TAF1C: variants seen among roughly 807,000 people sequenced by gnomAD.
TAF1C encodes the protein TATA-box binding protein associated factor, RNA polymerase I subunit C, also known as TATA box-binding protein-associated factor RNA polymerase I subunit C.
In TAF1C, 79 loss-of-function variants were observed where a neutral mutation model predicts 70.5. The ratio of observed to expected loss-of-function variants is 1.12; its 90% CI spans 0.93 to 1.35. The LOEUF (loss-of-function observed/expected upper bound fraction) is 1.35, where lower values mean the gene tolerates loss of function less well. TAF1C is among the 40% of genes most tolerant of loss of function. The probability of loss-of-function intolerance (pLI) is 0.00; values close to 1 mark genes in which losing one functional copy is unlikely to be tolerated. For missense variants in TAF1C, 1,412 were observed against 1,127.8 expected (o/e 1.25, Z -3.61); for synonymous variants, 614 against 491.1 (o/e 1.25, Z -3.31).
rs1334504103 is a variant in TAF1C at position 84,187,053 on chromosome 16, G to C, written c.-225C>G. Reference sequence around the variant, plus strand: ...GCAGCTACCCACGGTCTTCCGGTTTGGACCGGAAGTGCCTCCTGCGGAGGC... The same window carrying C: ...GCAGCTACCCACGGTCTTCCGGTTTCGACCGGAAGTGCCTCCTGCGGAGGC... On this transcript the variant is annotated 5_prime_UTR_variant, in exon 1 of 15. Transcript: ENST00000566732. The C allele has an allele frequency of 6.6e-6, 1 of 152,192 alleles. No individual in the cohort carries two copies. Among genetic ancestry groups the C allele is most frequent in the Non-Finnish European group, 1.5e-5 (1 of 68,034 alleles). 9.4% of individuals were successfully genotyped at this position (152,192 alleles called of 1,614,324 possible). A position where few individuals can be genotyped will look rare whatever the true frequency, so the allele number is the denominator to read the frequency against.
In TAF1C at chr16:84,182,123, C is replaced by T; in HGVS notation, c.722-65G>A. ...ACTGCAAGCCCCCCAAATTCCTGCC[C>T]TTCTCTGGACCATGCCAAGAGCACC... On this transcript the variant is annotated intron_variant, in intron 7 of 14. Coordinates refer to ENST00000566732, the MANE Select transcript of TAF1C (RefSeq NM_001243156.2). The surrounding 1 kb of genome is among the most constrained non-coding windows in gnomAD (Gnocchi z 5.0). The T allele has an allele frequency of 6.3e-7, 1 of 1,589,630 alleles. No individual in the cohort carries two copies. Among genetic ancestry groups the T allele is most frequent in the East Asian group, 2.2e-5 (1 of 44,594 alleles).
At position 84,179,674 on chromosome 16, in the gene TAF1C, G is replaced by A; in HGVS notation, c.1799C>T (p.Ala600Val). Reference protein sequence around the residue: ...DTQPDCHAPTASWTSQDTAGC... With the variant: ...DTQPDCHAPTVSWTSQDTAGC... ...GGCAGTGTCCTGGGAGGTCCAGGAA[G>A]CTGTGGGGGCATGGCAGTCAGGTTG... Residue 600 changes from alanine to valine, a missense_variant, in exon 15 of 15, where the codon GCT (alanine) becomes GTT (valine). Ala to Val is a moderately conservative substitution (Grantham distance 64). Transcript: ENST00000566732. 2 of 1,612,674 alleles carry A rather than the reference G, an allele frequency of 1.2e-6. No homozygotes were observed. The highest frequency in any genetic ancestry group is 1.7e-6 in the Non-Finnish European group (2 of 1,179,930).
At chr16:84,185,091 A>G in intron 1 of TAF1C, 31 bp from the exon 2 acceptor site, 4 of 1,389,680 alleles carry the variant, frequency 2.9e-6, no homozygotes, top group Non-Finnish European at 3.9e-6. Flanking sequence ...TACGGGAAGC[A>G]TATGTTCTTT....
At chr16:84,183,185 C>T (rs369128747) in intron 5 of TAF1C, 36 bp from the exon 6 acceptor site, 28 of 1,613,860 alleles carry the variant, frequency 1.7e-5, no homozygotes, top group Non-Finnish European at 2.2e-5. Context: ...CACACACCCT[C>T]GAGTTCACCC....
rs750416411 is a variant in TAF1C, at chr16:84,180,182, G to C, written c.1471C>G (p.Leu491Val). 6.5e-7 allele frequency: 1 copy of C among 1,546,142 alleles called. No homozygotes were observed. The highest frequency in any genetic ancestry group is 8.7e-7 in the Non-Finnish European group (1 of 1,154,956). Residue 491 changes from leucine to valine, a missense_variant, in exon 13 of 15, where the codon CTG becomes GTG. By Grantham distance (32) the Leu-to-Val change is conservative. Transcript: ENST00000566732. ...CCTGGACCCTCACCTGCCAGGTGCA[G>C]CAGCTGCAGCTGCCCACCCTGGCCT... ...LGGQGGQLQL[L>V]HLAGEGASVP...
Position 84,183,132 on chromosome 16 carries a change from C to T in TAF1C, c.426G>A (p.Lys142=), listed in dbSNP as rs1312582040. Residue 142 remains lysine, a synonymous_variant, in exon 6 of 15, where the codon AAG becomes AAA. Transcript: ENST00000566732. ...LEGAGSRTKK[K]TVVSVKKLLQ... Reference sequence around the variant, plus strand: ...GCAGCTTCTTCACACTGACCACTGTCTTCTTCTTAGTGCGGCTCTGCATGG... The same window carrying T: ...GCAGCTTCTTCACACTGACCACTGTTTTCTTCTTAGTGCGGCTCTGCATGG... 1.2e-6 allele frequency: 2 copies of T among 1,614,036 alleles called. No homozygotes were observed. Among genetic ancestry groups the T allele is most frequent in the Non-Finnish European group, 1.7e-6 (2 of 1,179,950 alleles).
In TAF1C at chr16:84,181,159, AAAGCAAC is replaced by A. The variant is rs775053619; in HGVS notation, c.1185_1191del (p.Leu396PhefsTer44). ...CACGAAGCCTCTGCCCCCAAACGAA[AAAGCAAC>A]AGACCACAGCCCGGCGGGCCCTGGA... On this transcript the variant is annotated frameshift_variant, in exon 12 of 15. Coordinates refer to ENST00000566732, the MANE Select transcript of TAF1C (RefSeq NM_001243156.2). LOFTEE classifies it high-confidence loss of function. The A allele has an allele frequency of 6.2e-7, 1 of 1,611,266 alleles. No individual in the cohort carries two copies. Among genetic ancestry groups the A allele is most frequent in the Non-Finnish European group, 8.5e-7 (1 of 1,177,718 alleles).
Position 84,178,863 on chromosome 16 carries a change from C to T in TAF1C, c.*78G>A, listed in dbSNP as rs956130349. 8.2e-6 allele frequency: 12 copies of T among 1,459,892 alleles called. No homozygotes were observed. Among genetic ancestry groups the T allele is most frequent in the Non-Finnish European group, 1.0e-5 (11 of 1,094,374 alleles). The allele number at this position is 1,459,892 out of a possible 1,614,324, so 90.4% of individuals were successfully genotyped here. A position where few individuals can be genotyped will look rare whatever the true frequency, so the allele number is the denominator to read the frequency against. ...GTGGCGAGCTCTGCTTCTCAAGTTT[C>T]AACTGTGGAAGGCACATCTGGTCCC... is the stretch of plus-strand genomic sequence containing the variant. On this transcript the variant is annotated 3_prime_UTR_variant, in exon 15 of 15. Coordinates refer to ENST00000566732, the MANE Select transcript of TAF1C (RefSeq NM_001243156.2).
rs536304597 is a variant in TAF1C at position 84,180,653 on chromosome 16, AC to A, written c.1309-310del. The A allele has an allele frequency of 2.3e-4, 158 of 677,232 alleles. 2 individuals are homozygous for A. The South Asian group carries it at 3.5e-3, about 15-fold the overall frequency. 42.0% of individuals were successfully genotyped at this position (677,232 alleles called of 1,614,324 possible). On this transcript the variant is annotated intron_variant, in intron 12 of 14. Coordinates refer to ENST00000566732, the MANE Select transcript of TAF1C (RefSeq NM_001243156.2). ...TCTCGCAGCCACCCCCACTCTCCTG[AC>A]CCGGGAGCCTGTGCTCGAGGCACGC... is the stretch of plus-strand genomic sequence containing the variant.
Position 84,181,612 on chromosome 16 carries a change from G to GCAGA in TAF1C, c.1004_1007dup (p.Trp338ProfsTer5). ...GATACCCATCCTCAGGGCTCCACAG[G>GCAGA]CAGACGGCTCCCGAGCGGCTGCAGA... On this transcript the variant is annotated frameshift_variant, in exon 10 of 15. Transcript: ENST00000566732. LOFTEE classifies it high-confidence loss of function. The GCAGA allele has an allele frequency of 3.1e-6, 5 of 1,613,918 alleles. No homozygotes were observed. Among genetic ancestry groups the GCAGA allele is most frequent in the Non-Finnish European group, 4.2e-6 (5 of 1,179,980 alleles).
rs975717298 is a variant in TAF1C at position 84,178,808 on chromosome 16, T to C, written c.*133A>G. On this transcript the variant is annotated 3_prime_UTR_variant, in exon 15 of 15. Transcript: ENST00000566732. The stretch of plus-strand genomic sequence containing the variant: ...TCCCTTCAACTTGGCTCCAAATTGC[T>C]TGGCTCATCATCACAGTGGCCTCCA... The C allele has an allele frequency of 5.1e-6, 5 of 982,350 alleles. No homozygotes were observed. Among genetic ancestry groups the C allele is most frequent in the Non-Finnish European group, 7.4e-6 (5 of 679,238 alleles). The allele number at this position is 982,350 out of a possible 1,614,324, so 60.9% of individuals were successfully genotyped here. A position where few individuals can be genotyped will look rare whatever the true frequency, so the allele number is the denominator to read the frequency against.
chr16:84,182,981 G>T lies in TAF1C; in HGVS notation c.482+95C>A. 1 of 1,252,630 alleles carries T rather than the reference G, an allele frequency of 8.0e-7. No individual in the cohort carries two copies. The highest frequency in any genetic ancestry group is 1.2e-6 in the Non-Finnish European group (1 of 857,050). The allele number at this position is 1,252,630 out of a possible 1,614,324, so 77.6% of individuals were successfully genotyped here. ...GACTGCATGGAGCAGGGGGGAAGTG[G>T]GTATGACGGAAAGCTGTACGTGCGT... On this transcript the variant is annotated intron_variant, in intron 6 of 14. Coordinates refer to ENST00000566732, the MANE Select transcript of TAF1C (RefSeq NM_001243156.2). This position sits in a 1 kb window ranked among gnomAD's most constrained non-coding sequence, Gnocchi z 5.0.
chr16:84,181,604 C>G lies in TAF1C; in HGVS notation c.1016G>C (p.Ser339Thr), dbSNP rs1348757670. 1.9e-6 allele frequency: 3 copies of G among 1,613,984 alleles called. No individual in the cohort carries two copies. The East Asian group carries it at 6.7e-5, about 36-fold the overall frequency. ...CSRSGAVCLW[S>T]PEDGLRQIYR... is the part of the protein sequence containing the mutation. The stretch of plus-strand genomic sequence containing the variant: ...GAAGCGGCGATACCCATCCTCAGGG[C>G]TCCACAGGCAGACGGCTCCCGAGCG... Residue 339 changes from serine to threonine, a missense_variant, in exon 10 of 15, where the codon AGC (serine) becomes ACC (threonine). By Grantham distance (58) the Ser-to-Thr change is moderately conservative (BLOSUM62 1). Transcript: ENST00000566732.
intron 13 of TAF1C, 25 bp downstream of exon 13, chr16:84,180,145 C>A: frequency 6.4e-7 from 1 of 1,559,252 alleles, no homozygotes; most frequent in Non-Finnish European, 8.6e-7. Context: ...TCCCACACGC[C>A]GCCCACCCTG....
Position 84,181,934 on chromosome 16 carries a change from G to A in TAF1C, c.838+8C>T, listed in dbSNP as rs1483468488. ...AGTGAGGGAGGAAAGTGTATATAAG[G>A]GCCTTACTTTCTCCCTGGACGGTGC... On this transcript the variant is annotated splice_region_variant and intron_variant, in intron 8 of 14. Transcript: ENST00000566732. The A allele has an allele frequency of 4.3e-6, 7 of 1,614,056 alleles. No homozygotes were observed. Among genetic ancestry groups the A allele is most frequent in the African/African-American group, 4.0e-5 (3 of 75,038 alleles).
At position 84,178,846 on chromosome 16, in the gene TAF1C, C is replaced by T; in HGVS notation, c.*95G>A. 1 of 1,393,966 alleles carries T rather than the reference C, an allele frequency of 7.2e-7. No individual in the cohort carries two copies. The highest frequency in any genetic ancestry group is 9.6e-7 in the Non-Finnish European group (1 of 1,039,664). The allele number at this position is 1,393,966 out of a possible 1,614,324, so 86.3% of individuals were successfully genotyped here. A position where few individuals can be genotyped will look rare whatever the true frequency, so the allele number is the denominator to read the frequency against. ...ACAGTGGCCTCCAGAAGGTGGCGAG[C>T]TCTGCTTCTCAAGTTTCAACTGTGG... On this transcript the variant is annotated 3_prime_UTR_variant, in exon 15 of 15. Coordinates refer to ENST00000566732, the MANE Select transcript of TAF1C (RefSeq NM_001243156.2).
rs548437554 is a variant in TAF1C, at chr16:84,180,785, G to A, written c.1308+258C>T. ...CAGCTCTGCACGGAAGCCCCACCCC[G>A]AGGCCCCTCCTCCCCTGCTCCACCC... On this transcript the variant is annotated intron_variant, in intron 12 of 14. Coordinates refer to ENST00000566732, the MANE Select transcript of TAF1C (RefSeq NM_001243156.2). 27 of 1,225,394 alleles carry A rather than the reference G, an allele frequency of 2.2e-5. No individual in the cohort carries two copies. The East Asian group carries it at 3.0e-4, about 14-fold the overall frequency. 75.9% of individuals were successfully genotyped at this position (1,225,394 alleles called of 1,614,324 possible).
chr16:84,180,978 G>C, intron 12 of TAF1C, 65 bp downstream of exon 12: 1 of 1,525,666 alleles, frequency 6.6e-7, no homozygotes, highest in African/African-American at 1.4e-5. Context: ...CTGGTAAGCA[G>C]CAGCCTCTAG....
chr16:84,179,518 C>G lies in TAF1C; in HGVS notation c.1955G>C (p.Arg652Pro). 1 of 1,604,648 alleles carries G rather than the reference C, an allele frequency of 6.2e-7. No individual in the cohort carries two copies. Among genetic ancestry groups the G allele is most frequent in the South Asian group, 1.1e-5 (1 of 90,972 alleles). The change falls in exon 15 of 15, where the codon CGG becomes CCG. Residue 652 changes from arginine (R) to proline (P), a missense_variant. Transcript: ENST00000566732. ...CATGGCCTTGCGGAGCACACCCAGC[C>G]GCTGCCCTTCCTCTTCCTCCCTCCG... Reference protein sequence around the residue: ...ELRREEEEGQRLGVLRKAMAR... With the variant: ...ELRREEEEGQPLGVLRKAMAR...
Sources: gnomAD v4.1 joint callset for allele counts on GRCh38, gnomAD v4.1.1 for gene constraint, Gnocchi (gnomAD v3.1) non-coding constraint, MANE v1.5 for transcripts, NCBI Gene and HGNC (gene_info 2026-07-23, HGNC 2026-07-21) for gene names.